The following LRMDA variants were observed in gnomAD, a reference collection of about 807,000 sequenced individuals.
LRMDA encodes the protein leucine-rich melanocyte differentiation-associated protein.
LRMDA carries 18 observed loss-of-function variants against 29.8 expected under a neutral mutation model. That is an observed-to-expected ratio of 0.60 (90% CI 0.42 to 0.90). LRMDA has a LOEUF of 0.90. Ranked by LOEUF, LRMDA falls within the 40% of genes least tolerant of loss-of-function variation. The pLI is 0.00. For missense variants in LRMDA, 273 were observed against 273.9 expected (o/e 1.00, Z 0.02); for synonymous variants, 125 against 109.4 (o/e 1.14, Z -0.89).
chr10:75,809,254 A>G (rs765983895), intron 2 of LRMDA, among the ~76,000 whole-genome samples: 9 of 152,220 alleles, frequency 5.9e-5, no homozygotes, highest in Non-Finnish European at 1.5e-5. Context: ...GGAGGGTAAT[A>G]ACACTAATGA....
chr10:75,564,954 T>C (rs904684965), intron 2 of LRMDA, among the ~76,000 whole-genome samples: 1 of 152,244 alleles, frequency 6.6e-6, no homozygotes, highest in African/African-American at 2.4e-5. Context: ...AAAATTTCCC[T>C]TTTAAACTGG....
chr10:75,954,120 G>A (rs969641334), intron 2 of LRMDA, among the ~76,000 whole-genome samples: 4 of 152,232 alleles, frequency 2.6e-5, no homozygotes, highest in Admixed American at 2.6e-4. Context: ...AGAGACATCA[G>A]CTGTACAGCT....
chr10:76,110,787 G>C (rs1263765498), intron 5 of LRMDA, among the ~76,000 whole-genome samples: 1 of 152,024 alleles, frequency 6.6e-6, no homozygotes, highest in Non-Finnish European at 1.5e-5. Flanking sequence ...ACTGTAAGTC[G>C]AATTAAATCT....
chr10:76,488,252 A>G (rs114855003), intron 6 of LRMDA, among the ~76,000 whole-genome samples: 98 of 151,970 alleles, frequency 6.4e-4, no homozygotes, highest in African/African-American at 2.3e-3. Flanking sequence ...ACAGCATACA[A>G]TTGAATAAAT....
intron 2 of LRMDA, among the ~76,000 whole-genome samples, chr10:75,467,747 G>A (rs1471856792): frequency 1.3e-5 from 2 of 152,062 alleles, no homozygotes; most frequent in African/African-American, 4.8e-5. Context: ...CAGATCATGA[G>A]GTCAAGCGAT....
chr10:76,380,211 T>C (rs1222286578), intron 6 of LRMDA, among the ~76,000 whole-genome samples: 3 of 152,186 alleles, frequency 2.0e-5, no homozygotes, highest in Non-Finnish European at 2.9e-5. Context: ...TCTGTAAATA[T>C]CTGTTAGGTT....
chr10:76,158,213 G>A (rs1850577543), intron 5 of LRMDA, among the ~76,000 whole-genome samples: 1 of 152,094 alleles, frequency 6.6e-6, no homozygotes, highest in Admixed American at 6.6e-5. Context: ...TCTACACATT[G>A]TACTTTAGAC....
intron 2 of LRMDA, among the ~76,000 whole-genome samples, chr10:75,915,388 G>A (rs1176609720): frequency 6.6e-6 from 1 of 151,770 alleles, no homozygotes; most frequent in Non-Finnish European, 1.5e-5. Flanking sequence ...TGCCTGTCTC[G>A]GCCTCCCAAA....
intron 2 of LRMDA, among the ~76,000 whole-genome samples, chr10:75,442,602 G>A (rs906140420): frequency 1.5e-4 from 23 of 152,152 alleles, no homozygotes; most frequent in African/African-American, 4.1e-4. Flanking sequence ...ATTTTATTCC[G>A]TTGGTCTATA....
intron 5 of LRMDA, among the ~76,000 whole-genome samples, chr10:76,169,980 A>C (rs1462633726): frequency 2.0e-5 from 3 of 152,094 alleles, no homozygotes; most frequent in African/African-American, 7.2e-5. Flanking sequence ...CCATTTCTCC[A>C]GTGAAGTTTC....
intron 2 of LRMDA, among the ~76,000 whole-genome samples, chr10:75,441,443 C>T (rs1844325910): frequency 6.6e-6 from 1 of 152,196 alleles, no homozygotes; most frequent in Admixed American, 6.5e-5. Context: ...TATGTATTGA[C>T]TTGTACTGCC....
chr10:76,297,534 G>A (rs959113233), intron 5 of LRMDA, among the ~76,000 whole-genome samples: 7 of 152,196 alleles, frequency 4.6e-5, no homozygotes, highest in African/African-American at 1.4e-4. Context: ...GAACAAGCTT[G>A]GAGTTGTTCA....
At chr10:75,836,099 C>A (rs915614777) in intron 2 of LRMDA, among the ~76,000 whole-genome samples, 1 of 152,088 alleles carries the variant, frequency 6.6e-6, no homozygotes, top group Non-Finnish European at 1.5e-5. Flanking sequence ...AATCTGAGGT[C>A]TGAGTAAAGG....
At chr10:75,499,574 A>G (rs1200064132) in intron 2 of LRMDA, among the ~76,000 whole-genome samples, 1 of 152,218 alleles carries the variant, frequency 6.6e-6, no homozygotes, top group Admixed American at 6.5e-5. Flanking sequence ...AGTGCCTGGC[A>G]AAAAGCAAAT....
chr10:76,450,903 G>C (rs546676551), intron 6 of LRMDA, among the ~76,000 whole-genome samples: 4 of 152,156 alleles, frequency 2.6e-5, no homozygotes, highest in Admixed American at 2.6e-4. Flanking sequence ...TCTTGCTTTT[G>C]TCTCATGTAA....
chr10:75,604,809 C>T (rs886163065), intron 2 of LRMDA, among the ~76,000 whole-genome samples: 1 of 152,164 alleles, frequency 6.6e-6, no homozygotes, highest in Non-Finnish European at 1.5e-5. Context: ...CACCACTTAC[C>T]AATCAGAGCT....
rs141908158 is a variant in LRMDA, at chr10:75,777,397, G to A, written c.132-258611G>A. On this transcript the variant is annotated intron_variant, in intron 2 of 6. Transcript: ENST00000611255. ...CATCTCAGACCAAAGGTAGCCTTTT[G>A]GGGGCTGCTTCAGTCTGGCTCCTGT... 9.2e-4 allele frequency among the ~76,000 whole-genome samples: 140 copies of A among 152,294 alleles called. 1 individual carries two copies. Among genetic ancestry groups the A allele is most frequent in the African/African-American group, 3.3e-3 (136 of 41,562 alleles).
intron 6 of LRMDA, among the ~76,000 whole-genome samples, chr10:76,341,764 C>T (rs1242884840): frequency 6.6e-6 from 1 of 152,152 alleles, no homozygotes; most frequent in African/African-American, 2.4e-5. Flanking sequence ...GCATGTGGGC[C>T]TCTCCATGTG....
chr10:76,076,351 A>AAG (rs1233643901), intron 5 of LRMDA, among the ~76,000 whole-genome samples: 2 of 150,402 alleles, frequency 1.3e-5, no homozygotes, highest in Non-Finnish European at 3.0e-5. Context: ...ATCTCAAAAA[A>AAG]AAAAAAAAAA....
Sources: allele counts gnomAD v4.1 joint callset (sites outside exome capture counted in the v4.1 genomes callset), GRCh38; gene constraint gnomAD v4.1.1; transcripts MANE v1.5; gene names NCBI Gene and HGNC (gene_info 2026-07-23, HGNC 2026-07-21).